PRDM16: variants seen among roughly 807,000 people sequenced by gnomAD.
The protein encoded by PRDM16 is histone-lysine N-methyltransferase PRDM16.
Under a neutral mutation model 110.6 loss-of-function variants are expected in PRDM16, and 23 were observed. That is an observed-to-expected ratio of 0.21 (90% CI 0.15 to 0.29). PRDM16 has a LOEUF of 0.29. PRDM16 is among the 10% of genes least tolerant of loss of function. The pLI is 1.00. For missense variants in PRDM16, 1,615 were observed against 1,794.3 expected (o/e 0.90, Z 1.81); for synonymous variants, 799 against 781.8 (o/e 1.02, Z -0.37).
At chr1:3,275,251 C>A (rs998614502) in intron 3 of PRDM16, among the ~76,000 whole-genome samples, 1 of 152,248 alleles carries the variant, frequency 6.6e-6, no homozygotes, top group African/African-American at 2.4e-5. Context: ...TGAGTAACAT[C>A]GGCCTGTCAG....
At chr1:3,225,866 G>A (rs1383022389) in intron 2 of PRDM16, among the ~76,000 whole-genome samples, 1 of 152,226 alleles carries the variant, frequency 6.6e-6, no homozygotes, top group Non-Finnish European at 1.5e-5. Context: ...AGATGTGTGG[G>A]CACCGCACAG....
chr1:3,222,906 C>A (rs1027530998), intron 2 of PRDM16, among the ~76,000 whole-genome samples: 2 of 151,964 alleles, frequency 1.3e-5, no homozygotes, highest in African/African-American at 4.8e-5. Flanking sequence ...CCCTCAAGGC[C>A]GGGGTGGAGT....
intron 2 of PRDM16, 41 bp downstream of exon 2, chr1:3,186,515 A>T: frequency 7.8e-7 from 1 of 1,274,378 alleles, no homozygotes; most frequent in Non-Finnish European, 1.1e-6. Context: ...ACGGCCATTT[A>T]TCTTGTGTTC....
At chr1:3,415,274 G>A (rs552640797) in intron 10 of PRDM16, among the ~76,000 whole-genome samples, 2 of 152,326 alleles carry the variant, frequency 1.3e-5, no homozygotes, top group Admixed American at 6.5e-5. Flanking sequence ...GAGTCTTCCC[G>A]ACCTCCTGTC....
rs765564758 is a variant in PRDM16, at chr1:3,186,333, A to G, written c.246A>G (p.Ala82=). The G allele has an allele frequency of 2.5e-6, 4 of 1,612,386 alleles. No individual in the cohort carries two copies. The highest frequency in any genetic ancestry group is 2.5e-6 in the Non-Finnish European group (3 of 1,179,768). Residue 82 remains alanine (A), a synonymous_variant, in exon 2 of 17, where the codon GCA becomes GCG. Coordinates refer to ENST00000270722, the MANE Select transcript of PRDM16 (RefSeq NM_022114.4). The part of the protein sequence containing the change: ...VYIPEDIPIP[A]DFELRESSIP... ...TTCCTGAAGACATTCCGATCCCAGC[A>G]GACTTCGAGCTCCGAGAGTCCTCCA...
chr1:3,264,389 G>A (rs1313955322), intron 3 of PRDM16, among the ~76,000 whole-genome samples: 1 of 149,330 alleles, frequency 6.7e-6, no homozygotes, highest in Non-Finnish European at 1.5e-5. Flanking sequence ...AGGAGGGGAG[G>A]AAAGGGGAGA....
Position 3,284,328 on chromosome 1 carries a change from G to C in PRDM16, c.438+40191G>C, listed in dbSNP as rs565030656. Among the ~76,000 whole-genome samples, 47 of 152,364 alleles carry C rather than the reference G, an allele frequency of 3.1e-4. No homozygotes were observed. In the East Asian group the frequency reaches 7.5e-3, roughly 24 times the overall value. On this transcript the variant is annotated intron_variant, in intron 3 of 16. Coordinates refer to ENST00000270722, the MANE Select transcript of PRDM16 (RefSeq NM_022114.4). ...TTTTATGTAAACTGAGTGGTTCCTGGAGTGTGTTTTTTAAAGTGTTAAGAT... is the reference window on the plus strand; with the variant it reads ...TTTTATGTAAACTGAGTGGTTCCTGCAGTGTGTTTTTTAAAGTGTTAAGAT...
intron 1 of PRDM16, among the ~76,000 whole-genome samples, chr1:3,071,105 C>A (rs1242614251): frequency 6.6e-6 from 1 of 152,266 alleles, no homozygotes; most frequent in Non-Finnish European, 1.5e-5. Flanking sequence ...TGCGTGTGGG[C>A]CGCCAGGTCA....
chr1:3,167,238 C>T (rs554874679), intron 1 of PRDM16, among the ~76,000 whole-genome samples: 10 of 152,254 alleles, frequency 6.6e-5, no homozygotes, highest in Non-Finnish European at 7.4e-5. Context: ...AGGCCTTCAG[C>T]CTGTACACAA....
chr1:3,310,982 CGTGTGTGCGTGCGTATGTGTGTGT>C (rs1641442867), intron 3 of PRDM16, among the ~76,000 whole-genome samples: 1 of 151,480 alleles, frequency 6.6e-6, no homozygotes, highest in Non-Finnish European at 1.5e-5. Flanking sequence ...CATGTGTGTG[CGTGTGTGCGTGCGTATGTGTGTGT>C]GTGTGTGAGC....
Position 3,378,283 on chromosome 1 carries a change from A to G in PRDM16, c.439-6869A>G, listed in dbSNP as rs1643030569. 2.6e-5 allele frequency among the ~76,000 whole-genome samples: 4 copies of G among 152,190 alleles called. No homozygotes were observed. The South Asian group carries it at 8.3e-4, about 32-fold the overall frequency. ...GGTCAGATGCAACTTGGGCAGCCGG[A>G]GGGCCACCAAGCTGGGGAGTGGTGG... On this transcript the variant is annotated intron_variant, in intron 3 of 16. Coordinates refer to ENST00000270722, the MANE Select transcript of PRDM16 (RefSeq NM_022114.4).
intron 3 of PRDM16, among the ~76,000 whole-genome samples, chr1:3,310,421 G>A (rs762188753): frequency 5.3e-5 from 8 of 152,118 alleles, no homozygotes; most frequent in African/African-American, 1.2e-4. Flanking sequence ...GTCTTTCAAC[G>A]GAAACCGTAG....
chr1:3,327,307 C>T (rs532148005), intron 3 of PRDM16, among the ~76,000 whole-genome samples: 3 of 152,156 alleles, frequency 2.0e-5, no homozygotes, highest in African/African-American at 4.8e-5. Context: ...CACCACAGGC[C>T]GGCTGGAGAG....
intron 3 of PRDM16, among the ~76,000 whole-genome samples, chr1:3,298,098 T>C (rs1441706096): frequency 6.6e-6 from 1 of 152,254 alleles, no homozygotes; most frequent in Non-Finnish European, 1.5e-5. Flanking sequence ...GTGTGGGCCA[T>C]GCACTAGAGA....
intron 3 of PRDM16, among the ~76,000 whole-genome samples, chr1:3,317,528 C>T (rs1641638625): frequency 6.7e-6 from 1 of 149,566 alleles, no homozygotes; most frequent in Admixed American, 6.5e-5. Flanking sequence ...TAGCAGCGCC[C>T]TCCTTCCATC....
At chr1:3,333,254 G>A (rs937169061) in intron 3 of PRDM16, among the ~76,000 whole-genome samples, 7 of 152,202 alleles carry the variant, frequency 4.6e-5, no homozygotes, top group African/African-American at 1.7e-4. Context: ...GGGTGAAGGA[G>A]GCTGGAGCAG....
intron 8 of PRDM16, among the ~76,000 whole-genome samples, chr1:3,406,492 G>A (rs1452612451): frequency 6.6e-6 from 1 of 152,040 alleles, no homozygotes; most frequent in African/African-American, 2.4e-5. Flanking sequence ...CACTTTGGGC[G>A]GCCCAGGCAG....
At chr1:3,087,195 C>G (rs146420946) in intron 1 of PRDM16, among the ~76,000 whole-genome samples, 3 of 149,420 alleles carry the variant, frequency 2.0e-5, no homozygotes, top group Admixed American at 2.0e-4. Context: ...CAGCCCCACC[C>G]GAGACCAGCC....
At chr1:3,299,067 C>T (rs559047829) in intron 3 of PRDM16, among the ~76,000 whole-genome samples, 1 of 152,242 alleles carries the variant, frequency 6.6e-6, no homozygotes, top group Non-Finnish European at 1.5e-5. Context: ...TTTCTCTCCT[C>T]TCCCTCAAGA....
Sources: gnomAD v4.1 joint callset for allele counts (sites outside exome capture counted in the v4.1 genomes callset) on GRCh38, gnomAD v4.1.1 for gene constraint, MANE v1.5 for transcripts, NCBI Gene and HGNC (gene_info 2026-07-23, HGNC 2026-07-21) for gene names.